Variants in STK10 observed in about 807,000 individuals in gnomAD.
The protein encoded by STK10 is serine/threonine kinase 10, also known as serine/threonine-protein kinase 10.
Under a neutral mutation model 113.8 loss-of-function variants are expected in STK10, and 78 were observed. That is an observed-to-expected ratio of 0.69 (90% CI 0.57 to 0.83). STK10 has a LOEUF of 0.83. Among genes scored for constraint, STK10 ranks in the 40% least tolerant of loss-of-function variants. The pLI is 0.00. For synonymous variants in STK10, 465 were observed against 494.7 expected (o/e 0.94, Z 0.80); for missense variants, 1,109 against 1,280.1 (o/e 0.87, Z 2.04).
At chr5:172,045,994 A>T (rs184450457) in intron 18 of STK10, among the ~76,000 whole-genome samples, 262 of 150,794 alleles carry the variant, frequency 1.7e-3, no homozygotes, top group African/African-American at 6.2e-3. Context: ...CTGGCCTAGG[A>T]TTTTCTAAAG....
intron 4 of STK10, chr5:172,114,546 A>G (rs1250826210): frequency 1.2e-4 from 15 of 123,954 alleles, no homozygotes; most frequent in Non-Finnish European, 1.6e-4. Flanking sequence ...GCAGTGGCGC[A>G]ATCTCGGCTC....
Position 172,128,379 on chromosome 5 carries a change from T to A in STK10, c.322-958A>T, listed in dbSNP as rs547213032. On this transcript the variant is annotated intron_variant, in intron 2 of 18. Coordinates refer to ENST00000176763, the MANE Select transcript of STK10 (RefSeq NM_005990.4). ...TTTTTTAGACAGACTCTCGCTCTTG[T>A]CACCCAGGCTAGCGTGCAATGGCAC... 6.7e-5 allele frequency among the ~76,000 whole-genome samples: 10 copies of A among 149,820 alleles called. No homozygotes were observed. The South Asian group carries it at 2.1e-3, about 32-fold the overall frequency.
At chr5:172,159,938 C>A (rs562285458) in intron 1 of STK10, among the ~76,000 whole-genome samples, 1 of 150,346 alleles carries the variant, frequency 6.7e-6, no homozygotes, top group Middle Eastern at 3.4e-3. Context: ...GAGTTTGAGA[C>A]CATCCTGACC....
intron 1 of STK10, among the ~76,000 whole-genome samples, chr5:172,178,250 G>A (rs778676622): frequency 3.3e-5 from 5 of 152,168 alleles, no homozygotes; most frequent in Admixed American, 6.5e-5. Context: ...GGGCCACACC[G>A]TGTGGCCCCA....
Position 172,106,676 on chromosome 5 carries a change from C to G in STK10, c.732G>C (p.Arg244=). The change falls in exon 6 of 19, where the codon CGG becomes CGC. Residue 244 remains arginine, a synonymous_variant. Coordinates refer to ENST00000176763, the MANE Select transcript of STK10 (RefSeq NM_005990.4). ...CCGACTTGGCGATCTTTAGCAGGAC[C>G]CGCATGGGGTTGAGCTCGTGGTGTG... ...EPPHHELNPM[R]VLLKIAKSDP... 1 of 1,613,892 alleles carries G rather than the reference C, an allele frequency of 6.2e-7. No individual in the cohort carries two copies.
intron 1 of STK10, among the ~76,000 whole-genome samples, chr5:172,159,587 C>T (rs757788888): frequency 1.3e-5 from 2 of 151,666 alleles, no homozygotes; most frequent in Non-Finnish European, 2.9e-5. Context: ...TTTGGGAGGC[C>T]GAGACAGGCG....
chr5:172,058,659 G>T (rs1255379705), intron 14 of STK10, among the ~76,000 whole-genome samples: 1 of 152,120 alleles, frequency 6.6e-6, no homozygotes, highest in Non-Finnish European at 1.5e-5. Context: ...GGAGGCTGAG[G>T]TGGGCAGATC....
In STK10 at chr5:172,165,904, C is replaced by T. The variant is rs192497012; in HGVS notation, c.157-9116G>A. Reference sequence around the variant, plus strand: ...CACCTCCCGGATTCAAGTGATTCTCCTGCCTCAGCCTCCCGAGTAGCTGGG... The same window carrying T: ...CACCTCCCGGATTCAAGTGATTCTCTTGCCTCAGCCTCCCGAGTAGCTGGG... On this transcript the variant is annotated intron_variant, in intron 1 of 18. Transcript: ENST00000176763. Among the ~76,000 whole-genome samples the T allele has an allele frequency of 2.2e-3, 332 of 152,276 alleles. 3 individuals carry two copies. Among genetic ancestry groups the T allele is most frequent in the African/African-American group, 7.7e-3 (320 of 41,572 alleles).
intron 18 of STK10, among the ~76,000 whole-genome samples, chr5:172,047,976 C>A (rs1369970015): frequency 1.4e-5 from 2 of 138,480 alleles, no homozygotes; most frequent in African/African-American, 5.7e-5. Flanking sequence ...GATCTTGGCT[C>A]ACTGCAACCT....
intron 3 of STK10, among the ~76,000 whole-genome samples, chr5:172,126,934 G>T (rs1355076692): frequency 6.6e-6 from 1 of 152,148 alleles, no homozygotes; most frequent in African/African-American, 2.4e-5. Flanking sequence ...ACGGCTTCTG[G>T]AACAGGGAGT....
intron 1 of STK10, among the ~76,000 whole-genome samples, chr5:172,157,026 A>G (rs1770362555): frequency 6.6e-6 from 1 of 152,230 alleles, no homozygotes; most frequent in Non-Finnish European, 1.5e-5. Flanking sequence ...CAGCTCTACA[A>G]ATACCAACAT....
At chr5:172,160,809 T>C (rs1770455054) in intron 1 of STK10, among the ~76,000 whole-genome samples, 1 of 152,062 alleles carries the variant, frequency 6.6e-6, no homozygotes, top group South Asian at 2.1e-4. Flanking sequence ...CAAGTCCAGG[T>C]TTAGAGGGGA....
intron 2 of STK10, among the ~76,000 whole-genome samples, chr5:172,146,353 T>C (rs1393869330): frequency 1.3e-5 from 2 of 152,180 alleles, no homozygotes; most frequent in Middle Eastern, 3.2e-3. Flanking sequence ...GGTATTATCA[T>C]GACGGGGACA....
chr5:172,080,671 G>A (rs1402936780), intron 12 of STK10, among the ~76,000 whole-genome samples: 1 of 152,264 alleles, frequency 6.6e-6, no homozygotes, highest in South Asian at 2.1e-4. Flanking sequence ...TTCTGTGAAG[G>A]CTGAGAGAGG....
chr5:172,128,117 G>A (rs975825700), intron 2 of STK10, among the ~76,000 whole-genome samples: 1 of 151,512 alleles, frequency 6.6e-6, no homozygotes, highest in East Asian at 2.0e-4. Context: ...CAGCCTAGTG[G>A]AGGGGCAGAA....
chr5:172,061,428 T>A (rs954783596), intron 13 of STK10, 160 bp from the exon 14 acceptor site: 1 of 893,658 alleles, frequency 1.1e-6, no homozygotes, highest in African/African-American at 1.7e-5. Context: ...TAGAGACGCA[T>A]CAACCAATTT....
chr5:172,099,006 T>C (rs1311142514), intron 7 of STK10, among the ~76,000 whole-genome samples: 90 of 97,694 alleles, frequency 9.2e-4, no homozygotes, highest in African/African-American at 1.2e-3. Context: ...TCATTACCAT[T>C]ACCATCATCA....
intron 13 of STK10, among the ~76,000 whole-genome samples, chr5:172,062,771 T>G (rs1767962645): frequency 1.3e-5 from 2 of 152,188 alleles, no homozygotes; most frequent in South Asian, 4.1e-4. Context: ...GTTTGATGGG[T>G]GCAGAGTTTC....
intron 2 of STK10, among the ~76,000 whole-genome samples, chr5:172,151,936 G>A (rs184112088): frequency 4.2e-4 from 64 of 152,342 alleles, no homozygotes; most frequent in African/African-American, 1.4e-3. Context: ...CAGGGCCTGT[G>A]CACTTCTGAT....
Sources: gnomAD v4.1 joint callset for allele counts (sites outside exome capture counted in the v4.1 genomes callset) on GRCh38, gnomAD v4.1.1 for gene constraint, MANE v1.5 for transcripts, NCBI Gene and HGNC (gene_info 2026-07-23, HGNC 2026-07-21) for gene names.